Variants in CSMD1 observed in about 807,000 individuals in gnomAD.
CSMD1 encodes CUB and sushi domain-containing protein 1.
CSMD1 carries 213 observed loss-of-function variants against 417.5 expected under a neutral mutation model. The observed-to-expected ratio is 0.51, with a 90% CI of 0.46 to 0.57. The LOEUF (loss-of-function observed/expected upper bound fraction) is 0.57. CSMD1 is among the 20% of genes least tolerant of loss of function. The pLI, the probability that CSMD1 is intolerant of heterozygous loss-of-function variation, is 0.00. For synonymous variants in CSMD1, 2,862 were observed against 1,736.8 expected (o/e 1.65, Z -16.11); for missense variants, 6,923 against 4,529.7 (o/e 1.53, Z -15.17).
intron 5 of CSMD1, among the ~76,000 whole-genome samples, chr8:3,872,253 G>T (rs1017850219): frequency 6.6e-6 from 1 of 152,102 alleles, no homozygotes; most frequent in African/African-American, 2.4e-5. Context: ...TAGGGAAAAG[G>T]GTTCTTCTGT....
intron 5 of CSMD1, among the ~76,000 whole-genome samples, chr8:3,770,939 A>G (rs1270661612): frequency 6.6e-6 from 1 of 152,106 alleles, no homozygotes; most frequent in Non-Finnish European, 1.5e-5. Context: ...GAATCTCCGA[A>G]TTCAATAGGA....
intron 1 of CSMD1, among the ~76,000 whole-genome samples, chr8:4,767,150 G>A (rs1156766418): frequency 6.6e-6 from 1 of 152,112 alleles, no homozygotes; most frequent in Non-Finnish European, 1.5e-5. Context: ...GTTAATAACA[G>A]TTTGGACATA....
intron 1 of CSMD1, among the ~76,000 whole-genome samples, chr8:4,987,795 C>G (rs1253210267): frequency 1.3e-5 from 2 of 152,148 alleles, no homozygotes; most frequent in African/African-American, 2.4e-5. Context: ...AAAAGAAAGC[C>G]CACATGCTGA....
chr8:4,374,700 C>G (rs774330969), intron 3 of CSMD1, among the ~76,000 whole-genome samples: 2 of 152,090 alleles, frequency 1.3e-5, no homozygotes, highest in Non-Finnish European at 2.9e-5. Flanking sequence ...GGAAAATAAG[C>G]AGCTGCATCC....
intron 3 of CSMD1, among the ~76,000 whole-genome samples, chr8:4,318,366 T>A (rs186818422): frequency 6.7e-4 from 102 of 152,266 alleles, no homozygotes; most frequent in African/African-American, 2.3e-3. Context: ...TGCACACATG[T>A]GCACACTCTC....
chr8:3,288,897 A>G (rs1266179496), intron 25 of CSMD1, among the ~76,000 whole-genome samples: 1 of 146,860 alleles, frequency 6.8e-6, no homozygotes, highest in Non-Finnish European at 1.5e-5. Flanking sequence ...GCATATGTAT[A>G]CATGTGCCAT....
At chr8:3,363,794 C>T (rs1466219405) in intron 20 of CSMD1, among the ~76,000 whole-genome samples, 1 of 152,172 alleles carries the variant, frequency 6.6e-6, no homozygotes, top group Non-Finnish European at 1.5e-5. Flanking sequence ...GAAGTTAGCA[C>T]TGAAGAAGTA....
chr8:4,259,516 A>T (rs1803723367), intron 3 of CSMD1, among the ~76,000 whole-genome samples: 1 of 139,284 alleles, frequency 7.2e-6, no homozygotes, highest in Admixed American at 7.8e-5. Context: ...TCCTTCAACA[A>T]AGTTCGAGTT....
At chr8:3,293,212 C>T (rs190720689) in intron 25 of CSMD1, among the ~76,000 whole-genome samples, 1 of 152,236 alleles carries the variant, frequency 6.6e-6, no homozygotes. Context: ...GTCTGATGGG[C>T]TTCCTTTTGT....
At chr8:3,374,130 T>C (rs1810157833) in intron 18 of CSMD1, among the ~76,000 whole-genome samples, 1 of 151,960 alleles carries the variant, frequency 6.6e-6, no homozygotes, top group Admixed American at 6.6e-5. Context: ...TTTTTTGTAT[T>C]TTTAGTAGAG....
At chr8:4,587,950 A>T (rs1359183687) in intron 2 of CSMD1, among the ~76,000 whole-genome samples, 1 of 152,238 alleles carries the variant, frequency 6.6e-6, no homozygotes, top group Non-Finnish European at 1.5e-5. Context: ...GATTGTGTGT[A>T]GACTTTAAAG....
chr8:4,617,306 C>G (rs1188605835), intron 2 of CSMD1, among the ~76,000 whole-genome samples: 1 of 152,176 alleles, frequency 6.6e-6, no homozygotes, highest in South Asian at 2.1e-4. Context: ...TAAACTGATA[C>G]AGATATAACC....
chr8:4,993,239 A>C (rs79785864), intron 1 of CSMD1, among the ~76,000 whole-genome samples: 8,318 of 152,316 alleles, frequency 0.055, 311 homozygotes, highest in Non-Finnish European at 0.076. Context: ...ACCTTTAAAA[A>C]TGAAACGAAA....
At chr8:4,477,597 T>C (rs1800873910) in intron 2 of CSMD1, among the ~76,000 whole-genome samples, 1 of 152,150 alleles carries the variant, frequency 6.6e-6, no homozygotes, top group Admixed American at 6.5e-5. Context: ...GAAGTTCCTA[T>C]TTAAACTGAC....
intron 3 of CSMD1, among the ~76,000 whole-genome samples, chr8:4,311,407 C>G (rs534217416): frequency 6.6e-6 from 1 of 152,114 alleles, no homozygotes; most frequent in African/African-American, 2.4e-5. Flanking sequence ...GAACAGAAAA[C>G]CAAATACATG....
rs151095473 is a variant in CSMD1, at chr8:4,353,241, C to T, written c.415+66712G>A. On this transcript the variant is annotated intron_variant, in intron 3 of 69. Transcript: ENST00000635120. ...AATCATGACGACGGTTTCCCCCAGA[C>T]TGTTCTTCTGGTAGTAAGTCTCAGG... 6.6e-5 allele frequency among the ~76,000 whole-genome samples: 10 copies of T among 152,186 alleles called. No individual in the cohort carries two copies. The East Asian group carries it at 1.7e-3, about 27-fold the overall frequency.
At chr8:4,019,500 T>A (rs1162636197) in intron 4 of CSMD1, among the ~76,000 whole-genome samples, 4 of 152,170 alleles carry the variant, frequency 2.6e-5, no homozygotes, top group African/African-American at 7.2e-5. Context: ...GCCCATTGCA[T>A]GAATGTGAAG....
chr8:3,553,629 C>T (rs6558794), intron 10 of CSMD1, among the ~76,000 whole-genome samples: 110,546 of 152,134 alleles, frequency 0.73, 41,719 homozygotes, highest in East Asian at 0.99. Flanking sequence ...TTGCTAATGA[C>T]AGTAAAATCT....
At chr8:2,962,058 A>G (rs1803539426) in intron 61 of CSMD1, among the ~76,000 whole-genome samples, 1 of 152,184 alleles carries the variant, frequency 6.6e-6, no homozygotes, top group Non-Finnish European at 1.5e-5. Flanking sequence ...GTAAATCTCA[A>G]TGAACAAAAT....
Sources: allele counts gnomAD v4.1 joint callset (sites outside exome capture counted in the v4.1 genomes callset), GRCh38; gene constraint gnomAD v4.1.1; transcripts MANE v1.5; gene names NCBI Gene and HGNC (gene_info 2026-07-23, HGNC 2026-07-21).